The following TBL1X variants were observed in gnomAD, a reference collection of about 807,000 sequenced individuals.
TBL1X encodes transducin beta like 1 X-linked, also known as F-box-like/WD repeat-containing protein TBL1X.
In TBL1X, 10 loss-of-function variants were observed where a neutral mutation model predicts 50.7. The observed-to-expected ratio is 0.20, with a 90% CI of 0.12 to 0.33. TBL1X has a LOEUF of 0.33. Among genes scored for constraint, TBL1X ranks in the 10% least tolerant of loss-of-function variants. The pLI, the probability that TBL1X is intolerant of heterozygous loss-of-function variation, is 1.00. For missense variants in TBL1X, 340 were observed against 504.4 expected (o/e 0.67, Z 3.12); for synonymous variants, 190 against 214.7 (o/e 0.88, Z 1.01).
chrX:9,582,455 T>C (rs993459743), intron 2 of TBL1X, among the ~76,000 whole-genome samples: 3 of 112,646 alleles, frequency 2.7e-5, no homozygotes, highest in Non-Finnish European at 5.6e-5. Context: ...GAATCCCTTA[T>C]TTTTACTTTT....
intron 5 of TBL1X, among the ~76,000 whole-genome samples, chrX:9,681,333 C>T (rs754775061): frequency 8.9e-6 from 1 of 111,935 alleles, no homozygotes; most frequent in Admixed American, 9.5e-5. Context: ...AAGTAAAAAG[C>T]GGAATCTCGG....
In TBL1X at chrX:9,478,498, T is replaced by C. The variant is rs1198057829; in HGVS notation, c.-201+13051T>C. 3.6e-5 allele frequency among the ~76,000 whole-genome samples: 4 copies of C among 111,994 alleles called. No homozygotes were observed. In the Admixed American group the frequency reaches 3.8e-4, roughly 11 times the overall value. On this transcript the variant is annotated intron_variant, in intron 1 of 17. Coordinates refer to ENST00000645353, the MANE Select transcript of TBL1X (RefSeq NM_005647.4). The stretch of plus-strand genomic sequence containing the variant: ...CCCCATCTTGCCTTTCCCTTAATAT[T>C]CTTGGGCTATTGGGCCAGGTGAACT...
At chrX:9,471,436 G>A (rs2081813954) in intron 1 of TBL1X, among the ~76,000 whole-genome samples, 1 of 112,221 alleles carries the variant, frequency 8.9e-6, no homozygotes, top group Non-Finnish European at 1.9e-5. Flanking sequence ...GATGGACCCT[G>A]CTTCAAGGTC....
chrX:9,653,921 G>A (rs374028204), intron 4 of TBL1X, among the ~76,000 whole-genome samples: 14 of 111,719 alleles, frequency 1.3e-4, no homozygotes, highest in African/African-American at 4.2e-4. Flanking sequence ...GTTTGTTGTC[G>A]TGCTCTGTTG....
At chrX:9,538,168 A>C (rs2082198536) in intron 2 of TBL1X, among the ~76,000 whole-genome samples, 1 of 111,636 alleles carries the variant, frequency 9.0e-6, no homozygotes, top group African/African-American at 3.3e-5. Flanking sequence ...AGGTTCCGTT[A>C]ATGTTAAAAT....
chrX:9,475,445 C>T (rs2081843769), intron 1 of TBL1X, among the ~76,000 whole-genome samples: 1 of 109,815 alleles, frequency 9.1e-6, no homozygotes, highest in African/African-American at 3.3e-5. Context: ...GTGGTTTCAC[C>T]ATGTTGGCCA....
intron 13 of TBL1X, among the ~76,000 whole-genome samples, chrX:9,706,367 A>G (rs937246096): frequency 8.9e-6 from 1 of 111,773 alleles, no homozygotes; most frequent in Non-Finnish European, 1.9e-5. Context: ...ATGGAACAGA[A>G]AAATCATTTG....
intron 5 of TBL1X, among the ~76,000 whole-genome samples, chrX:9,662,262 A>G (rs1210320187): frequency 9.0e-6 from 1 of 111,624 alleles, no homozygotes; most frequent in Non-Finnish European, 1.9e-5. Flanking sequence ...CTCACACTTT[A>G]GGGGAGCAGT....
intron 2 of TBL1X, among the ~76,000 whole-genome samples, chrX:9,573,984 A>G (rs1054337311): frequency 8.9e-6 from 1 of 112,371 alleles, no homozygotes; most frequent in Admixed American, 9.4e-5. Context: ...TATTAAATGC[A>G]GCCCAGTATA....
rs147549786 is a variant in TBL1X at position 9,552,035 on chromosome X, C to T, written c.-131+50186C>T. On this transcript the variant is annotated intron_variant, in intron 2 of 17. Transcript: ENST00000645353. ...GAATTTGGTTTCCTAAACGGGTGGTCCAAGAGAGGCCGGGTTCATCGCTGT... is the reference window on the plus strand; with the variant it reads ...GAATTTGGTTTCCTAAACGGGTGGTTCAAGAGAGGCCGGGTTCATCGCTGT... Among the ~76,000 whole-genome samples the T allele has an allele frequency of 9.6e-3, 1,071 of 111,966 alleles. 8 individuals are homozygous for T. The highest frequency in any genetic ancestry group is 0.033 in the African/African-American group (1,021 of 30,819).
At chrX:9,652,550 A>T (rs2146598168) in intron 3 of TBL1X, among the ~76,000 whole-genome samples, 1 of 112,825 alleles carries the variant, frequency 8.9e-6, no homozygotes, top group South Asian at 3.6e-4. Context: ...GACAGTTCCC[A>T]AACAGCCTAA....
At chrX:9,591,640 AC>A (rs1474785601) in intron 2 of TBL1X, among the ~76,000 whole-genome samples, 1 of 111,291 alleles carries the variant, frequency 9.0e-6, no homozygotes, top group African/African-American at 3.3e-5. Flanking sequence ...AGCAAAGCCT[AC>A]CCCTTCTACG....
At chrX:9,609,413 T>G (rs770252837) in intron 2 of TBL1X, among the ~76,000 whole-genome samples, 146 of 101,423 alleles carry the variant, frequency 1.4e-3, no homozygotes, top group Middle Eastern at 5.1e-3. Context: ...CAGGTAGGGG[T>G]GTGTGTGTGT....
At chrX:9,584,236 A>G (rs1360558611) in intron 2 of TBL1X, among the ~76,000 whole-genome samples, 5 of 112,409 alleles carry the variant, frequency 4.4e-5, no homozygotes, top group African/African-American at 9.7e-5. Context: ...TAGTGTAAAT[A>G]TATGCAAAGA....
intron 1 of TBL1X, among the ~76,000 whole-genome samples, chrX:9,484,869 C>A (rs2081902487): frequency 9.9e-6 from 1 of 100,900 alleles, no homozygotes; most frequent in Admixed American, 1.1e-4. Context: ...ATAGCTTGAA[C>A]CGAGAAGTTC....
intron 1 of TBL1X, among the ~76,000 whole-genome samples, chrX:9,478,609 G>A (rs2081862046): frequency 1.8e-5 from 2 of 111,612 alleles, no homozygotes; most frequent in South Asian, 7.6e-4. Flanking sequence ...ACTAATGGGA[G>A]GCCATCAGGA....
At chrX:9,641,320 T>C (rs1278212579) in intron 3 of TBL1X, among the ~76,000 whole-genome samples, 1 of 111,946 alleles carries the variant, frequency 8.9e-6, no homozygotes, top group Non-Finnish European at 1.9e-5. Context: ...CTGAGACCCA[T>C]GCCCCAAAAG....
intron 2 of TBL1X, among the ~76,000 whole-genome samples, chrX:9,609,975 C>A (rs1569074561): frequency 8.9e-6 from 1 of 112,656 alleles, no homozygotes; most frequent in East Asian, 2.8e-4. Context: ...TTAAGGATTG[C>A]AGTGTTGGAG....
chrX:9,631,470 A>G lies in TBL1X; in HGVS notation c.-130-8803A>G, dbSNP rs777733909. On this transcript the variant is annotated intron_variant, in intron 2 of 17. Transcript: ENST00000645353. ...TAAATTGCGGCTTTTTTGTGACTATACTTCACAGTAAGCTTATTAGCAATA... is the reference window on the plus strand; with the variant it reads ...TAAATTGCGGCTTTTTTGTGACTATGCTTCACAGTAAGCTTATTAGCAATA... 2.7e-5 allele frequency among the ~76,000 whole-genome samples: 3 copies of G among 111,973 alleles called. No individual in the cohort carries two copies. In the South Asian group the frequency reaches 1.1e-3, roughly 41 times the overall value.
Sources: allele counts gnomAD v4.1 joint callset (sites outside exome capture counted in the v4.1 genomes callset), GRCh38; gene constraint gnomAD v4.1.1; transcripts MANE v1.5; gene names NCBI Gene and HGNC (gene_info 2026-07-23, HGNC 2026-07-21).